Variants in ARHGEF38 observed in about 807,000 individuals in gnomAD.
The protein encoded by ARHGEF38 is Rho guanine nucleotide exchange factor (GEF) 38.
Under a neutral mutation model 79.9 loss-of-function variants are expected in ARHGEF38, and 79 were observed. That is an observed-to-expected ratio of 0.99 (90% CI 0.82 to 1.19). ARHGEF38 has a LOEUF of 1.19. ARHGEF38 is among the 50% of genes most tolerant of loss of function. The pLI is 0.00. For synonymous variants in ARHGEF38, 366 were observed against 328.3 expected (o/e 1.11, Z -1.24); for missense variants, 962 against 907.2 (o/e 1.06, Z -0.78).
At chr4:105,658,607 T>C (rs1560753333) in intron 9 of ARHGEF38, among the ~76,000 whole-genome samples, 1 of 152,238 alleles carries the variant, frequency 6.6e-6, no homozygotes, top group East Asian at 1.9e-4. Flanking sequence ...ATATTCCTTT[T>C]GCTGCCAGCA....
chr4:105,655,766 G>T (rs373599968), intron 9 of ARHGEF38, 44 bp downstream of exon 9: 1 of 1,505,542 alleles, frequency 6.6e-7, no homozygotes, highest in East Asian at 2.5e-5. Flanking sequence ...TAAATAGTGA[G>T]GTTGAAAGGA....
At chr4:105,645,872 T>A (rs1729818315) in intron 6 of ARHGEF38, among the ~76,000 whole-genome samples, 1 of 152,252 alleles carries the variant, frequency 6.6e-6, no homozygotes, top group African/African-American at 2.4e-5. Flanking sequence ...TCTCTACTGA[T>A]GTGAGCAAGT....
intron 1 of ARHGEF38, among the ~76,000 whole-genome samples, chr4:105,553,430 G>A (rs972649273): frequency 6.6e-6 from 1 of 152,138 alleles, no homozygotes; most frequent in Non-Finnish European, 1.5e-5. Context: ...AACTATAATC[G>A]TGTCTGTGAC....
At chr4:105,626,173 A>G (rs1365997403) in intron 3 of ARHGEF38, among the ~76,000 whole-genome samples, 6 of 152,150 alleles carry the variant, frequency 3.9e-5, no homozygotes, top group Admixed American at 1.3e-4. Context: ...CTCAAACTCA[A>G]TACATCTGAA....
intron 3 of ARHGEF38, 59 bp downstream of exon 3, chr4:105,613,566 T>A (rs1728392548): frequency 5.7e-6 from 9 of 1,583,206 alleles, no homozygotes; most frequent in Non-Finnish European, 7.8e-6. Context: ...TTTAATAACC[T>A]CCCTTTGCTT....
chr4:105,593,958 C>T (rs1375012652), intron 2 of ARHGEF38, among the ~76,000 whole-genome samples: 1 of 152,118 alleles, frequency 6.6e-6, no homozygotes, highest in East Asian at 1.9e-4. Flanking sequence ...CTCACATTTT[C>T]TAGGTTGTTT....
chr4:105,560,631 A>G (rs1244381278), intron 1 of ARHGEF38, among the ~76,000 whole-genome samples: 1 of 152,192 alleles, frequency 6.6e-6, no homozygotes, highest in Non-Finnish European at 1.5e-5. Context: ...TTTCTGAACA[A>G]TGTTTTTCTT....
Position 105,602,136 on chromosome 4 carries a change from G to A in ARHGEF38, c.385-11248G>A, listed in dbSNP as rs146319504. Among the ~76,000 whole-genome samples the A allele has an allele frequency of 8.7e-4, 132 of 152,274 alleles. 1 individual carries two copies. The highest frequency in any genetic ancestry group is 3.0e-3 in the African/African-American group (126 of 41,566). Reference sequence around the variant, plus strand: ...ACTGAGTAAACATTGGTTAGGTGGAGGCAGGGTCAGGAGAGCAGCCCAGCA... The same window carrying A: ...ACTGAGTAAACATTGGTTAGGTGGAAGCAGGGTCAGGAGAGCAGCCCAGCA... On this transcript the variant is annotated intron_variant, in intron 2 of 13. Transcript: ENST00000420470.
chr4:105,632,454 G>T (rs1370317419), intron 4 of ARHGEF38, among the ~76,000 whole-genome samples: 2 of 152,076 alleles, frequency 1.3e-5, no homozygotes, highest in Non-Finnish European at 2.9e-5. Flanking sequence ...TTCAGTTTAG[G>T]TTCAGTGTTA....
chr4:105,666,427 T>C, intron 11 of ARHGEF38, 107 bp downstream of exon 11: 1 of 1,176,120 alleles, frequency 8.5e-7, no homozygotes, highest in Non-Finnish European at 1.1e-6. Flanking sequence ...TAATATCCTA[T>C]AATTTACATA....
At chr4:105,621,696 AC>A (rs1728740811) in intron 3 of ARHGEF38, among the ~76,000 whole-genome samples, 1 of 152,172 alleles carries the variant, frequency 6.6e-6, no homozygotes, top group Non-Finnish European at 1.5e-5. Context: ...GGGAGATACT[AC>A]ATTGGAGCTC....
intron 1 of ARHGEF38, among the ~76,000 whole-genome samples, chr4:105,579,435 C>T (rs189570554): frequency 1.8e-4 from 28 of 152,260 alleles, no homozygotes; most frequent in African/African-American, 6.0e-4. Context: ...CAGTTTTTAA[C>T]ATGAAGGGAT....
chr4:105,554,621 G>A (rs1245945266), intron 1 of ARHGEF38, among the ~76,000 whole-genome samples: 1 of 152,052 alleles, frequency 6.6e-6, no homozygotes, highest in Non-Finnish European at 1.5e-5. Flanking sequence ...TTCTAAACCT[G>A]GTTCTTCAAC....
At chr4:105,586,981 T>A (rs558558622) in intron 1 of ARHGEF38, among the ~76,000 whole-genome samples, 1 of 151,966 alleles carries the variant, frequency 6.6e-6, no homozygotes, top group East Asian at 1.9e-4. Context: ...ATACACATTT[T>A]TAAAAAGAAA....
intron 1 of ARHGEF38, among the ~76,000 whole-genome samples, chr4:105,573,447 A>G (rs1444232603): frequency 6.6e-6 from 1 of 152,150 alleles, no homozygotes; most frequent in South Asian, 2.1e-4. Context: ...TTTGCATGCA[A>G]ATATCCAATT....
intron 1 of ARHGEF38, chr4:105,561,490 GAATA>G (rs1560684722): frequency 7.1e-6 from 1 of 141,500 alleles, no homozygotes; most frequent in African/African-American, 2.7e-5. Flanking sequence ...GAATAGAATA[GAATA>G]GAATAGAATA....
chr4:105,637,788 G>A (rs1369173112), intron 5 of ARHGEF38, among the ~76,000 whole-genome samples: 4 of 152,154 alleles, frequency 2.6e-5, no homozygotes, highest in African/African-American at 9.7e-5. Context: ...AGTACAATTT[G>A]CATGCACGGA....
intron 7 of ARHGEF38, among the ~76,000 whole-genome samples, chr4:105,653,528 G>A (rs969896785): frequency 2.6e-5 from 4 of 151,922 alleles, no homozygotes; most frequent in African/African-American, 4.8e-5. Context: ...TCACCATATT[G>A]GCCAGGCTGG....
At position 105,666,195 on chromosome 4, in the gene ARHGEF38, A is replaced by T; in HGVS notation, c.1564A>T (p.Ser522Cys). 6.5e-7 allele frequency: 1 copy of T among 1,526,820 alleles called. No homozygotes were observed. Among genetic ancestry groups the T allele is most frequent in the Non-Finnish European group, 8.7e-7 (1 of 1,144,172 alleles). 94.6% of individuals were successfully genotyped at this position (1,526,820 alleles called of 1,614,324 possible). A position where few individuals can be genotyped will look rare whatever the true frequency, so the allele number is the denominator to read the frequency against. ...TLVPMPLLVS[S>C]ISEIQNQVLE... ...CCTATAGATGCCACTGTTGGTTTCA[A>T]GCATTTCTGAGATTCAGAATCAAGT... is the stretch of plus-strand genomic sequence containing the variant. Residue 522 changes from serine (S) to cysteine (C), a missense_variant, in exon 11 of 14, where the codon AGC becomes TGC. Physicochemically the swap from Ser to Cys is moderately radical, Grantham distance 112 (BLOSUM62 -1). Transcript: ENST00000420470.
Sources: gnomAD v4.1 joint callset for allele counts (sites outside exome capture counted in the v4.1 genomes callset) on GRCh38, gnomAD v4.1.1 for gene constraint, MANE v1.5 for transcripts, NCBI Gene and HGNC (gene_info 2026-07-23, HGNC 2026-07-21) for gene names.